Variants in RBM34 observed in about 807,000 individuals in gnomAD.
RBM34 encodes RNA binding motif protein 34.
In RBM34, 39 loss-of-function variants were observed where a neutral mutation model predicts 44.6. The ratio of observed to expected loss-of-function variants is 0.87; its 90% CI spans 0.68 to 1.14. RBM34 has a LOEUF of 1.14. RBM34 is among the 50% of genes most tolerant of loss of function. The pLI is 0.00. For missense variants in RBM34, 572 were observed against 517.9 expected, an observed-to-expected ratio of 1.10 and a Z score of -1.01; for synonymous variants, 194 against 184.0, an observed-to-expected ratio of 1.05 and a Z score of -0.44.
intron 3 of RBM34, among the ~76,000 whole-genome samples, chr1:235,155,396 T>C (rs112368830): frequency 0.092 from 13,970 of 151,130 alleles, 907 homozygotes; most frequent in Non-Finnish European, 0.15. Flanking sequence ...GGCTGGAGTG[T>C]AGCAGCGTAA....
chr1:235,151,714 G>A (rs1188961871), intron 5 of RBM34, among the ~76,000 whole-genome samples: 3 of 152,064 alleles, frequency 2.0e-5, no homozygotes, highest in Non-Finnish European at 2.9e-5. Context: ...CTATTCCAGA[G>A]AATCACATGA....
chr1:235,152,142 TAAAA>T (rs569411273), intron 5 of RBM34, among the ~76,000 whole-genome samples: 69 of 148,478 alleles, frequency 4.6e-4, no homozygotes, highest in African/African-American at 1.7e-3. Flanking sequence ...CCTATGCAGT[TAAAA>T]AAAAAAATCA....
chr1:235,160,591 T>C lies in RBM34; in HGVS notation c.285A>G (p.Glu95=), dbSNP rs759472398. 6.2e-7 allele frequency: 1 copy of C among 1,614,110 alleles called. No individual in the cohort carries two copies. The change falls in exon 3 of 11, where the codon GAA becomes GAG. Residue 95 remains glutamate (E), a synonymous_variant. Transcript: ENST00000408888. ...TGGCAGGTTCTTGCGAAAGTGGTCT[T>C]TCAATCTGGGATGTACTTTCTTCCT... ...NEEEESTSQI[E]RPLSQEPAKK... is the part of the protein sequence containing the mutation.
chr1:235,137,233 T>C (rs1174588818), intron 8 of RBM34, among the ~76,000 whole-genome samples: 1 of 152,210 alleles, frequency 6.6e-6, no homozygotes, highest in Non-Finnish European at 1.5e-5. Context: ...GACTATGTCT[T>C]AGAACTGCAT....
chr1:235,160,096 A>T (rs1662632552), intron 3 of RBM34: 1 of 313,536 alleles, frequency 3.2e-6, no homozygotes, highest in South Asian at 2.8e-5. Context: ...TCCACTAAAA[A>T]TACAAAAATT....
intron 3 of RBM34, among the ~76,000 whole-genome samples, chr1:235,157,165 AAGATCATCTGGGCAG>A (rs1430267491): frequency 1.3e-5 from 2 of 152,240 alleles, no homozygotes; most frequent in Non-Finnish European, 2.9e-5. Context: ...GCATCTAAAA[AAGATCATCTGGGCAG>A]AAGAGTGGAA....
At chr1:235,132,515 G>A (rs751807500) in intron 10 of RBM34, among the ~76,000 whole-genome samples, 1 of 152,112 alleles carries the variant, frequency 6.6e-6, no homozygotes, top group Non-Finnish European at 1.5e-5. Flanking sequence ...CACCACGTTA[G>A]CCAGAATGGT....
At chr1:235,142,476 ACCACGTT>A (rs1295855971) in intron 6 of RBM34, among the ~76,000 whole-genome samples, 2 of 150,676 alleles carry the variant, frequency 1.3e-5, no homozygotes, top group Non-Finnish European at 3.0e-5. Flanking sequence ...ACGGGGTTTC[ACCACGTT>A]GGCCAGGCTG....
intron 10 of RBM34, among the ~76,000 whole-genome samples, chr1:235,132,428 C>T (rs763360733): frequency 2.0e-5 from 3 of 152,132 alleles, no homozygotes; most frequent in Non-Finnish European, 2.9e-5. Context: ...CTTGCCTCAA[C>T]CTCTCAAGTA....
At chr1:235,158,783 T>G (rs978199095) in intron 3 of RBM34, among the ~76,000 whole-genome samples, 1 of 152,028 alleles carries the variant, frequency 6.6e-6, no homozygotes, top group Non-Finnish European at 1.5e-5. Flanking sequence ...GTACACGTGA[T>G]GGGATCACTA....
Position 235,135,706 on chromosome 1 carries a change from A to T in RBM34, c.954T>A (p.Ile318=). 4 of 1,614,192 alleles carry T rather than the reference A, an allele frequency of 2.5e-6. No individual in the cohort carries two copies. The highest frequency in any genetic ancestry group is 3.4e-6 in the Non-Finnish European group (4 of 1,180,044). Reference sequence around the variant, plus strand: ...CGATGCCTGTCATTTTGTCTCTCACAATCCTCACGGCCATGATACTTCCAC... The same window carrying T: ...CGATGCCTGTCATTTTGTCTCTCACTATCCTCACGGCCATGATACTTCCAC... ...LDCGSIMAVR[I]VRDKMTGIGK... is the part of the protein sequence containing the mutation. The change falls in exon 10 of 11, where the codon ATT becomes ATA. Residue 318 remains isoleucine, a synonymous_variant. Coordinates refer to ENST00000408888, the MANE Select transcript of RBM34 (RefSeq NM_015014.4).
At position 235,131,815 on chromosome 1, in the gene RBM34, A is replaced by AT; in HGVS notation, c.1190dup (p.His397GlnfsTer3). ...TTTCTCCAATAAATAAGCTTTTAGGATGTCCTTCTGCAGTTTTGGAAGTAA... is the reference window on the plus strand; with the variant it reads ...TTTCTCCAATAAATAAGCTTTTAGGATTGTCCTTCTGCAGTTTTGGAAGTAA... On this transcript the variant is annotated frameshift_variant, in exon 11 of 11. Coordinates refer to ENST00000408888, the MANE Select transcript of RBM34 (RefSeq NM_015014.4). LOFTEE classifies it high-confidence loss of function. 2 of 1,614,116 alleles carry AT rather than the reference A, an allele frequency of 1.2e-6. No homozygotes were observed. Among genetic ancestry groups the AT allele is most frequent in the Non-Finnish European group, 1.7e-6 (2 of 1,180,008 alleles).
chr1:235,154,822 T>G, intron 4 of RBM34, 59 bp downstream of exon 4: 1 of 1,344,502 alleles, frequency 7.4e-7, no homozygotes. Flanking sequence ...GAATGCTTAT[T>G]CAACACAGGA....
In RBM34 at chr1:235,150,037, TG is replaced by T. The variant is rs1381977408; in HGVS notation, c.658-1591del. Among the ~76,000 whole-genome samples the T allele has an allele frequency of 2.6e-5, 4 of 152,340 alleles. No individual in the cohort carries two copies. The East Asian group carries it at 7.7e-4, about 29-fold the overall frequency. ...CAAAACACATTTATTGGGTGCCTTC[TG>T]TACAGCGTCTACGTCCCGTTATTTG... is the stretch of plus-strand genomic sequence containing the variant. On this transcript the variant is annotated intron_variant, in intron 5 of 10. Coordinates refer to ENST00000408888, the MANE Select transcript of RBM34 (RefSeq NM_015014.4).
At chr1:235,136,130 TC>T (rs1405446626) in intron 8 of RBM34, 57 bp from the exon 9 acceptor site, 1 of 1,437,448 alleles carries the variant, frequency 7.0e-7, no homozygotes, top group Non-Finnish European at 9.6e-7. Context: ...ATGGAAGTCA[TC>T]GAAAATCCTC....
At chr1:235,153,165 C>T (rs946537319) in intron 4 of RBM34, among the ~76,000 whole-genome samples, 1 of 151,636 alleles carries the variant, frequency 6.6e-6, no homozygotes, top group Non-Finnish European at 1.5e-5. Context: ...CCACCGCACC[C>T]GGCCTACTGC....
intron 6 of RBM34, among the ~76,000 whole-genome samples, chr1:235,141,384 T>G (rs1307149021): frequency 6.6e-6 from 1 of 152,218 alleles, no homozygotes; most frequent in Non-Finnish European, 1.5e-5. Flanking sequence ...GGAGAACCTT[T>G]GTGTCGATAC....
At chr1:235,158,041 T>C (rs1243449792) in intron 3 of RBM34, among the ~76,000 whole-genome samples, 1 of 149,248 alleles carries the variant, frequency 6.7e-6, no homozygotes, top group Non-Finnish European at 1.5e-5. Context: ...GACATGCAAT[T>C]ACATGGGTTT....
At chr1:235,146,714 G>A (rs1467046422) in intron 6 of RBM34, among the ~76,000 whole-genome samples, 1 of 152,132 alleles carries the variant, frequency 6.6e-6, no homozygotes, top group African/African-American at 2.4e-5. Flanking sequence ...TTCATCTCCT[G>A]GGATCAAGCG....
Sources: allele counts gnomAD v4.1 joint callset (sites outside exome capture counted in the v4.1 genomes callset), GRCh38; gene constraint gnomAD v4.1.1; transcripts MANE v1.5; gene names NCBI Gene and HGNC (gene_info 2026-07-23, HGNC 2026-07-21).